The following DLG2 variants were observed in gnomAD, a reference collection of about 807,000 sequenced individuals.
The protein encoded by DLG2 is discs large MAGUK scaffold protein 2.
DLG2 carries 45 observed loss-of-function variants against 132.5 expected under a neutral mutation model. The observed-to-expected ratio is 0.34, with a 90% CI of 0.27 to 0.44. The LOEUF (loss-of-function observed/expected upper bound fraction) is 0.44. Among genes scored for constraint, DLG2 ranks in the 20% least tolerant of loss-of-function variants. The probability of loss-of-function intolerance (pLI) is 1.00; values close to 1 mark genes in which losing one functional copy is unlikely to be tolerated. For missense variants in DLG2, 1,045 were observed against 1,196.9 expected (o/e 0.87, Z 1.87); for synonymous variants, 424 against 419.6 (o/e 1.01, Z -0.13).
chr11:84,521,413 A>T (rs1312796770), intron 7 of DLG2, among the ~76,000 whole-genome samples: 1 of 152,224 alleles, frequency 6.6e-6, no homozygotes, highest in Non-Finnish European at 1.5e-5. Context: ...CTATAGTGTT[A>T]GCTAGGTGGC....
intron 18 of DLG2, among the ~76,000 whole-genome samples, chr11:83,738,983 T>C (rs2092267012): frequency 6.6e-6 from 1 of 152,196 alleles, no homozygotes; most frequent in South Asian, 2.1e-4. Context: ...CAGTTAAGTG[T>C]GCATGATGGT....
chr11:83,807,060 T>TC, intron 17 of DLG2, among the ~76,000 whole-genome samples: 1 of 152,246 alleles, frequency 6.6e-6, no homozygotes, highest in East Asian at 1.9e-4. Context: ...AAAAAATGCT[T>TC]CTAGACATTT....
chr11:85,495,877 C>T (rs2093657828), intron 3 of DLG2, among the ~76,000 whole-genome samples: 1 of 152,140 alleles, frequency 6.6e-6, no homozygotes, highest in African/African-American at 2.4e-5. Flanking sequence ...TTGGAACGAA[C>T]CCAAATGCCC....
intron 6 of DLG2, among the ~76,000 whole-genome samples, chr11:84,857,371 T>C (rs1310007678): frequency 6.6e-6 from 1 of 151,276 alleles, no homozygotes; most frequent in Non-Finnish European, 1.5e-5. Flanking sequence ...TTATGCAAAA[T>C]AGCTAGCACA....
At chr11:84,227,987 G>A (rs1280910430) in intron 8 of DLG2, among the ~76,000 whole-genome samples, 1 of 151,142 alleles carries the variant, frequency 6.6e-6, no homozygotes, top group Non-Finnish European at 1.5e-5. Flanking sequence ...TGGACTCAAA[G>A]TCTTGGATCT....
chr11:83,768,294 A>C (rs575318404), intron 18 of DLG2, among the ~76,000 whole-genome samples: 31 of 152,350 alleles, frequency 2.0e-4, no homozygotes, highest in Middle Eastern at 3.4e-3. Context: ...TAAAGGTTGC[A>C]TGCAGTTTCC....
At chr11:85,175,217 A>G (rs1329114530) in intron 4 of DLG2, among the ~76,000 whole-genome samples, 1 of 152,198 alleles carries the variant, frequency 6.6e-6, no homozygotes, top group Admixed American at 6.5e-5. Context: ...AAAATCCTCA[A>G]TAAAATACTG....
intron 3 of DLG2, among the ~76,000 whole-genome samples, chr11:85,457,253 G>A (rs944964682): frequency 6.7e-6 from 1 of 150,128 alleles, no homozygotes; most frequent in Admixed American, 6.7e-5. Flanking sequence ...GTCAACCCCT[G>A]CTTTTCCATT....
intron 18 of DLG2, among the ~76,000 whole-genome samples, chr11:83,717,045 C>T (rs1045281119): frequency 1.3e-5 from 2 of 152,042 alleles, no homozygotes; most frequent in Non-Finnish European, 2.9e-5. Flanking sequence ...TTTTGTAGTA[C>T]CCTCCACCTC....
At chr11:84,048,555 T>G (rs531279140) in intron 11 of DLG2, among the ~76,000 whole-genome samples, 1 of 151,764 alleles carries the variant, frequency 6.6e-6, no homozygotes, top group South Asian at 2.1e-4. Flanking sequence ...AAGTAAACTG[T>G]TTCCTGTATT....
At chr11:84,937,050 G>A (rs2048834787) in intron 6 of DLG2, among the ~76,000 whole-genome samples, 1 of 152,134 alleles carries the variant, frequency 6.6e-6, no homozygotes, top group African/African-American at 2.4e-5. Context: ...TATTCAGGAG[G>A]CTAAGGCAGG....
chr11:84,536,347 T>C (rs1453000094), intron 6 of DLG2, among the ~76,000 whole-genome samples: 1 of 152,008 alleles, frequency 6.6e-6, no homozygotes, highest in Non-Finnish European at 1.5e-5. Context: ...TCAGTTATCA[T>C]CAGCCTCTCC....
intron 7 of DLG2, among the ~76,000 whole-genome samples, chr11:84,396,040 C>G (rs1383544510): frequency 1.3e-5 from 2 of 152,192 alleles, no homozygotes; most frequent in Non-Finnish European, 2.9e-5. Flanking sequence ...TAAAAGGTAG[C>G]CTGCTCTTAG....
chr11:83,758,748 A>G (rs905421542), intron 18 of DLG2, among the ~76,000 whole-genome samples: 1 of 152,142 alleles, frequency 6.6e-6, no homozygotes, highest in African/African-American at 2.4e-5. Flanking sequence ...ATAATTAAAT[A>G]CCACAGTTTC....
chr11:85,378,418 TG>T (rs750855188), intron 3 of DLG2, among the ~76,000 whole-genome samples: 28 of 152,254 alleles, frequency 1.8e-4, no homozygotes, highest in Admixed American at 9.8e-4. Flanking sequence ...AGACTTTAAC[TG>T]TTTTGACCTT....
chr11:83,623,548 G>A (rs755555234), intron 19 of DLG2, among the ~76,000 whole-genome samples: 32 of 152,182 alleles, frequency 2.1e-4, no homozygotes, highest in Non-Finnish European at 3.4e-4. Flanking sequence ...GAAAGAGCAC[G>A]TGAAGCCTGG....
chr11:84,510,227 G>A (rs145846617), intron 7 of DLG2, among the ~76,000 whole-genome samples: 1 of 151,844 alleles, frequency 6.6e-6, no homozygotes, highest in African/African-American at 2.4e-5. Context: ...AAATTGGAAA[G>A]GAAAATATAA....
At chr11:84,955,691 A>T (rs1369557883) in intron 6 of DLG2, 1 of 152,154 alleles carries the variant, frequency 6.6e-6, no homozygotes, top group East Asian at 1.9e-4. Flanking sequence ...TTCTCAATAA[A>T]TGATGCTGCC....
chr11:85,161,475 A>G (rs1172969264), intron 4 of DLG2, among the ~76,000 whole-genome samples: 6 of 152,178 alleles, frequency 3.9e-5, no homozygotes, highest in African/African-American at 1.4e-4. Flanking sequence ...GGTTGATTAT[A>G]TTGGACCTCT....
Sources: allele counts gnomAD v4.1 joint callset (sites outside exome capture counted in the v4.1 genomes callset), GRCh38; gene constraint gnomAD v4.1.1; transcripts MANE v1.5; gene names NCBI Gene and HGNC (gene_info 2026-07-23, HGNC 2026-07-21).